Variants in DAP observed in about 807,000 individuals in gnomAD.
The protein encoded by DAP is death associated protein, also known as death-associated protein 1.
A neutral mutation model predicts 13.8 loss-of-function variants in DAP; 8 were observed. That is an observed-to-expected ratio of 0.58 (90% CI 0.34 to 1.05). The LOEUF is 1.05. Among genes scored for constraint, DAP ranks in the 50% least tolerant of loss-of-function variants. The pLI is 0.03. For missense variants in DAP, 106 were observed against 133.2 expected (o/e 0.80, Z 1.01); for synonymous variants, 47 against 47.5 (o/e 0.99, Z 0.04).
intron 2 of DAP, chr5:10,733,645 T>TA (rs1480310571): frequency 4.6e-5 from 7 of 152,248 alleles, no homozygotes; most frequent in Non-Finnish European, 7.4e-5. Context: ...ATATGCACTA[T>TA]AAAAAATCAA....
chr5:10,754,867 T>C (rs1050452814), intron 1 of DAP, among the ~76,000 whole-genome samples: 11 of 152,126 alleles, frequency 7.2e-5, no homozygotes, highest in African/African-American at 2.7e-4. Context: ...TCCTGCCCAA[T>C]AGTATGGGGA....
rs60022090 is a variant in DAP at position 10,713,570 on chromosome 5, C to T, written c.153-29999G>A. Reference sequence around the variant, plus strand: ...CCCCCACTTTCCAGCTAAGAAGCCCCCCTGAGAGCTGAAGTGTTTTCCACA... The same window carrying T: ...CCCCCACTTTCCAGCTAAGAAGCCCTCCTGAGAGCTGAAGTGTTTTCCACA... On this transcript the variant is annotated intron_variant, in intron 2 of 3. Transcript: ENST00000230895. Among the ~76,000 whole-genome samples, 65 of 152,322 alleles carry T rather than the reference C, an allele frequency of 4.3e-4. No individual in the cohort carries two copies. The East Asian group carries it at 0.012, about 29-fold the overall frequency.
At chr5:10,689,435 AAG>A (rs1738243159) in intron 2 of DAP, among the ~76,000 whole-genome samples, 2 of 152,166 alleles carry the variant, frequency 1.3e-5, no homozygotes, top group African/African-American at 4.8e-5. Flanking sequence ...TGCAGCGTCT[AAG>A]AGTCCACAGG....
chr5:10,714,336 G>T (rs1738927749), intron 2 of DAP, among the ~76,000 whole-genome samples: 1 of 152,158 alleles, frequency 6.6e-6, no homozygotes, highest in Non-Finnish European at 1.5e-5. Context: ...AGAAATCACA[G>T]ATATTAATAG....
chr5:10,702,836 T>A (rs574893094), intron 2 of DAP, among the ~76,000 whole-genome samples: 1 of 152,298 alleles, frequency 6.6e-6, no homozygotes, highest in South Asian at 2.1e-4. Flanking sequence ...AGGTAGCTCA[T>A]CTTGTTAAGA....
At chr5:10,701,925 T>C (rs532537163) in intron 2 of DAP, among the ~76,000 whole-genome samples, 1 of 152,342 alleles carries the variant, frequency 6.6e-6, no homozygotes, top group East Asian at 1.9e-4. Context: ...AATGCTCGGA[T>C]TGCCTGTGCT....
intron 2 of DAP, among the ~76,000 whole-genome samples, chr5:10,722,158 G>T (rs776330349): frequency 4.6e-5 from 7 of 152,168 alleles, no homozygotes; most frequent in Non-Finnish European, 1.5e-5. Flanking sequence ...ATGCAATATT[G>T]ATCCTGGGTG....
intron 2 of DAP, chr5:10,747,945 C>A (rs543255225): frequency 2.1e-5 from 9 of 432,620 alleles, no homozygotes; most frequent in African/African-American, 1.8e-4. Flanking sequence ...GGGTGGGGAA[C>A]AGGGTGGGCG....
chr5:10,687,887 CACAA>C (rs1475199794), intron 2 of DAP, among the ~76,000 whole-genome samples: 1 of 147,788 alleles, frequency 6.8e-6, no homozygotes, highest in Non-Finnish European at 1.5e-5. Context: ...TGTTCTATGT[CACAA>C]ACTTCATTGT....
At chr5:10,731,413 T>C (rs1739457498) in intron 2 of DAP, among the ~76,000 whole-genome samples, 1 of 152,236 alleles carries the variant, frequency 6.6e-6, no homozygotes, top group African/African-American at 2.4e-5. Context: ...GATCTCTTGC[T>C]ACCAGCTGCA....
rs922066935 is a variant in DAP at position 10,679,563 on chromosome 5, A to G, written c.*1493T>C. ...GGTGCTTGCTGGGGTGTTCCATGGC[A>G]GCGCTGCCAACCAAGTCTGGGTCTC... is the stretch of plus-strand genomic sequence containing the variant. On this transcript the variant is annotated 3_prime_UTR_variant, in exon 4 of 4. Transcript: ENST00000230895. 4.6e-5 allele frequency: 7 copies of G among 152,580 alleles called. No homozygotes were observed. The highest frequency in any genetic ancestry group is 1.7e-4 in the African/African-American group (7 of 41,570). The allele number at this position is 152,580 out of a possible 1,614,324, so 9.5% of individuals were successfully genotyped here.
Position 10,697,064 on chromosome 5 carries a change from T to C in DAP, c.153-13493A>G, listed in dbSNP as rs546106737. Among the ~76,000 whole-genome samples, 9 of 152,292 alleles carry C rather than the reference T, an allele frequency of 5.9e-5. No individual in the cohort carries two copies. In the East Asian group the frequency reaches 1.5e-3, roughly 26 times the overall value. ...GGGCAAACTTAAAAAAAAGGGTGCA[T>C]GTTTAACTACATGGCAATGTGGAAC... On this transcript the variant is annotated intron_variant, in intron 2 of 3. Transcript: ENST00000230895.
chr5:10,700,803 G>T (rs1738558418), intron 2 of DAP, among the ~76,000 whole-genome samples: 1 of 152,240 alleles, frequency 6.6e-6, no homozygotes, highest in Non-Finnish European at 1.5e-5. Flanking sequence ...GACCTGCTTT[G>T]CAAACTAACC....
chr5:10,747,944 A>C, intron 2 of DAP: 1 of 423,840 alleles, frequency 2.4e-6, no homozygotes, highest in African/African-American at 2.0e-5. Flanking sequence ...GGGGTGGGGA[A>C]CAGGGTGGGC....
Position 10,740,274 on chromosome 5 carries a change from A to G in DAP, c.152+7901T>C, listed in dbSNP as rs186903990. 1.1e-3 allele frequency among the ~76,000 whole-genome samples: 164 copies of G among 152,356 alleles called. No homozygotes were observed. In the South Asian group the frequency reaches 0.021, roughly 19 times the overall value. On this transcript the variant is annotated intron_variant, in intron 2 of 3. Transcript: ENST00000230895. ...GAAAAAAGAGTCGGCGGCAGAGAGGAGAAAAACAGAGCATCCGAGGCCTGT... is the reference window on the plus strand; with the variant it reads ...GAAAAAAGAGTCGGCGGCAGAGAGGGGAAAAACAGAGCATCCGAGGCCTGT...
At chr5:10,750,737 T>G (rs2111390251) in intron 1 of DAP, among the ~76,000 whole-genome samples, 1 of 152,274 alleles carries the variant, frequency 6.6e-6, no homozygotes, top group East Asian at 1.9e-4. Flanking sequence ...CTCTGGAGTC[T>G]AATCCTGCTG....
chr5:10,746,181 CT>C (rs886075102), intron 2 of DAP, among the ~76,000 whole-genome samples: 14 of 152,178 alleles, frequency 9.2e-5, no homozygotes, highest in Non-Finnish European at 1.5e-5. Context: ...TCCTCCTAGA[CT>C]CCCAAATTTC....
intron 2 of DAP, among the ~76,000 whole-genome samples, chr5:10,693,232 T>A (rs1167389873): frequency 2.6e-5 from 4 of 152,136 alleles, no homozygotes. Flanking sequence ...AGCAAAGGCA[T>A]TACTGGAGAG....
chr5:10,748,044 G>A (rs1489656421), intron 2 of DAP, 131 bp downstream of exon 2: 46 of 661,320 alleles, frequency 7.0e-5, no homozygotes, highest in Non-Finnish European at 1.1e-4. Context: ...GATTAGGAAG[G>A]GAAAAATACA....
Sources: allele counts gnomAD v4.1 joint callset (sites outside exome capture counted in the v4.1 genomes callset), GRCh38; gene constraint gnomAD v4.1.1; transcripts MANE v1.5; gene names NCBI Gene and HGNC (gene_info 2026-07-23, HGNC 2026-07-21).